Variants in FER observed in about 807,000 individuals in gnomAD.
The protein encoded by FER is tyrosine-protein kinase Fer.
Under a neutral mutation model 111.0 loss-of-function variants are expected in FER, and 63 were observed. The ratio of observed to expected loss-of-function variants is 0.57; its 90% CI spans 0.46 to 0.70. FER has a LOEUF of 0.70. Ranked by LOEUF, FER falls within the 30% of genes least tolerant of loss-of-function variation. The pLI is 0.00. For missense variants in FER, 914 were observed against 954.0 expected, an observed-to-expected ratio of 0.96 and a Z score of 0.55; for synonymous variants, 327 against 313.9, an observed-to-expected ratio of 1.04 and a Z score of -0.44.
At position 109,189,082 on chromosome 5, in the gene FER, A is replaced by G. The variant is rs1281414769; in HGVS notation, c.*1507A>G. 1 of 152,212 alleles carries G rather than the reference A, an allele frequency of 6.6e-6. No individual in the cohort carries two copies. The highest frequency in any genetic ancestry group is 1.5e-5 in the Non-Finnish European group (1 of 68,046). 9.4% of individuals were successfully genotyped at this position (152,212 alleles called of 1,614,324 possible). On this transcript the variant is annotated 3_prime_UTR_variant, in exon 20 of 20. Coordinates refer to ENST00000281092, the MANE Select transcript of FER (RefSeq NM_005246.4). ...CTGGACATTCTTACCATTAGCTGAC[A>G]GGTATGCAAGCAGAGTGCTGAAGAT... is the stretch of plus-strand genomic sequence containing the variant.
chr5:108,967,853 G>C (rs140871413), intron 13 of FER, among the ~76,000 whole-genome samples: 5 of 151,642 alleles, frequency 3.3e-5, no homozygotes, highest in Non-Finnish European at 5.9e-5. Flanking sequence ...GGGAAGACAG[G>C]CTCTCAATGT....
At chr5:108,748,889 T>C (rs1460167184) in intron 1 of FER, 1 of 153,050 alleles carries the variant, frequency 6.5e-6, no homozygotes, top group Non-Finnish European at 1.5e-5. Context: ...GCGGGATTGG[T>C]TGCAGAGGTT....
intron 17 of FER, among the ~76,000 whole-genome samples, chr5:109,122,600 C>T (rs6888232): frequency 0.018 from 2,785 of 151,234 alleles, 78 homozygotes; most frequent in African/African-American, 0.064. Flanking sequence ...GTATATAGTG[C>T]CGATTAAGTT....
At chr5:109,001,729 A>G (rs1426154422) in intron 13 of FER, among the ~76,000 whole-genome samples, 1 of 152,134 alleles carries the variant, frequency 6.6e-6, no homozygotes, top group Non-Finnish European at 1.5e-5. Flanking sequence ...GTATATCTAG[A>G]AAACCCCATC....
In FER at chr5:109,051,139, C is replaced by T. The variant is rs1210227916; in HGVS notation, c.1924+3941C>T. 4.6e-5 allele frequency among the ~76,000 whole-genome samples: 7 copies of T among 152,230 alleles called. No individual in the cohort carries two copies. The East Asian group carries it at 5.8e-4, about 13-fold the overall frequency. Reference sequence around the variant, plus strand: ...CCCCTCCCTCTCCACCCATCTACCCCATACACCCCCAGTGAACCTAGGTAT... The same window carrying T: ...CCCCTCCCTCTCCACCCATCTACCCTATACACCCCCAGTGAACCTAGGTAT... On this transcript the variant is annotated intron_variant, in intron 16 of 19. Transcript: ENST00000281092.
intron 5 of FER, among the ~76,000 whole-genome samples, chr5:108,849,334 AT>A (rs1486226097): frequency 1.3e-5 from 2 of 151,648 alleles, no homozygotes; most frequent in Non-Finnish European, 2.9e-5. Context: ...TGCTCTGATA[AT>A]TTTTTTCCCC....
chr5:109,075,382 G>A (rs1776204210), intron 16 of FER, among the ~76,000 whole-genome samples: 1 of 150,266 alleles, frequency 6.7e-6, no homozygotes, highest in Non-Finnish European at 1.5e-5. Context: ...TTATTTTCTA[G>A]ATTGTTTCTT....
chr5:108,912,741 A>T (rs1482942084), intron 10 of FER, among the ~76,000 whole-genome samples: 1 of 152,188 alleles, frequency 6.6e-6, no homozygotes, highest in African/African-American at 2.4e-5. Flanking sequence ...GCAAAACAAG[A>T]AAGGAAGATA....
chr5:109,098,445 A>T (rs1478160423), intron 16 of FER, among the ~76,000 whole-genome samples: 1 of 151,762 alleles, frequency 6.6e-6, no homozygotes, highest in Non-Finnish European at 1.5e-5. Flanking sequence ...CTTTTAAATC[A>T]AATTGCAGAA....
intron 17 of FER, among the ~76,000 whole-genome samples, chr5:109,117,814 G>A (rs1018362141): frequency 1.3e-5 from 2 of 151,564 alleles, no homozygotes; most frequent in Non-Finnish European, 1.5e-5. Flanking sequence ...CTGTTTGTCT[G>A]TTATTGGTGT....
chr5:109,139,995 A>G, intron 17 of FER, among the ~76,000 whole-genome samples: 1 of 152,202 alleles, frequency 6.6e-6, no homozygotes, highest in East Asian at 1.9e-4. Flanking sequence ...TTTTCCTGTG[A>G]TTCCCAAAAA....
At chr5:108,774,413 A>G (rs1219087592) in intron 2 of FER, among the ~76,000 whole-genome samples, 10 of 152,200 alleles carry the variant, frequency 6.6e-5, no homozygotes, top group African/African-American at 2.4e-4. Flanking sequence ...CTTTGGATAT[A>G]GACCCAGTAA....
Position 109,027,590 on chromosome 5 carries a change from C to T in FER, c.1657-9832C>T, listed in dbSNP as rs1042329098. Among the ~76,000 whole-genome samples, 6 of 152,008 alleles carry T rather than the reference C, an allele frequency of 3.9e-5. No individual in the cohort carries two copies. The East Asian group carries it at 5.8e-4, about 15-fold the overall frequency. On this transcript the variant is annotated intron_variant, in intron 13 of 19. Transcript: ENST00000281092. Reference sequence around the variant, plus strand: ...CGAATTTCAAATATGTCCCTGTGCCCCATAAAGCCCTTTAAAGGGATAACT... The same window carrying T: ...CGAATTTCAAATATGTCCCTGTGCCTCATAAAGCCCTTTAAAGGGATAACT...
rs1242736822 is a variant in FER, at chr5:109,190,147, A to C, written c.*2572A>C. On this transcript the variant is annotated 3_prime_UTR_variant, in exon 20 of 20. Coordinates refer to ENST00000281092, the MANE Select transcript of FER (RefSeq NM_005246.4). Reference sequence around the variant, plus strand: ...TCATCCCTTCTGTCACTGATAATTAATTATTGGAATTATATACTTTAGGAG... The same window carrying C: ...TCATCCCTTCTGTCACTGATAATTACTTATTGGAATTATATACTTTAGGAG... 6.6e-6 allele frequency: 1 copy of C among 152,190 alleles called. No homozygotes were observed. Among genetic ancestry groups the C allele is most frequent in the African/African-American group, 2.4e-5 (1 of 41,444 alleles). 9.4% of individuals were successfully genotyped at this position (152,190 alleles called of 1,614,324 possible).
intron 17 of FER, among the ~76,000 whole-genome samples, chr5:109,137,992 G>A (rs1387916027): frequency 6.6e-6 from 1 of 152,170 alleles, no homozygotes; most frequent in African/African-American, 2.4e-5. Flanking sequence ...TTTAACTAAT[G>A]CACTGGTTTG....
intron 5 of FER, among the ~76,000 whole-genome samples, chr5:108,841,357 G>A (rs529011471): frequency 6.6e-6 from 1 of 152,110 alleles, no homozygotes; most frequent in African/African-American, 2.4e-5. Context: ...TAAACACTTG[G>A]TTAGGTTTAG....
At chr5:108,821,870 T>TA (rs1475180170) in intron 3 of FER, among the ~76,000 whole-genome samples, 4 of 152,152 alleles carry the variant, frequency 2.6e-5, no homozygotes, top group Non-Finnish European at 4.4e-5. Flanking sequence ...ACACTTAAGA[T>TA]ACGTACTCTC....
At chr5:108,913,931 G>A (rs1239774171) in intron 10 of FER, among the ~76,000 whole-genome samples, 1 of 152,120 alleles carries the variant, frequency 6.6e-6, no homozygotes, top group East Asian at 1.9e-4. Context: ...TTTATATGGA[G>A]CTCAAAAAAA....
intron 3 of FER, among the ~76,000 whole-genome samples, chr5:108,806,593 G>A (rs572199517): frequency 1.3e-3 from 202 of 152,296 alleles, no homozygotes; most frequent in African/African-American, 4.3e-3. Context: ...ATGGGAACCC[G>A]CCTCTTGCAT....
Sources: allele counts gnomAD v4.1 joint callset (sites outside exome capture counted in the v4.1 genomes callset), GRCh38; gene constraint gnomAD v4.1.1; transcripts MANE v1.5; gene names NCBI Gene and HGNC (gene_info 2026-07-23, HGNC 2026-07-21).